The following BMPR1B variants were observed in gnomAD, a reference collection of about 807,000 sequenced individuals.
BMPR1B encodes bone morphogenetic protein receptor type-1B.
BMPR1B carries 12 observed loss-of-function variants against 59.1 expected under a neutral mutation model. The ratio of observed to expected loss-of-function variants is 0.20; its 90% CI spans 0.13 to 0.33. The LOEUF (loss-of-function observed/expected upper bound fraction) is 0.33, where lower values mean the gene tolerates loss of function less well. Ranked by LOEUF, BMPR1B falls within the 10% of genes least tolerant of loss-of-function variation. The pLI, the probability that BMPR1B is intolerant of heterozygous loss-of-function variation, is 1.00. For synonymous variants in BMPR1B, 237 were observed against 207.3 expected, an observed-to-expected ratio of 1.14 and a Z score of -1.23; for missense variants, 550 against 610.9, an observed-to-expected ratio of 0.90 and a Z score of 1.05.
intron 3 of BMPR1B, among the ~76,000 whole-genome samples, chr4:95,040,899 A>G (rs562433941): frequency 1.3e-5 from 2 of 152,242 alleles, no homozygotes; most frequent in Admixed American, 6.5e-5. Context: ...AACTTTATTC[A>G]TCCACTCGTG....
At chr4:95,001,815 G>A (rs940327892) in intron 3 of BMPR1B, among the ~76,000 whole-genome samples, 2 of 151,948 alleles carry the variant, frequency 1.3e-5, no homozygotes, top group Admixed American at 6.6e-5. Context: ...AGTTTGTTTT[G>A]TACCTGTTAT....
At chr4:94,839,166 A>T (rs1213775744) in intron 1 of BMPR1B, among the ~76,000 whole-genome samples, 9 of 130,272 alleles carry the variant, frequency 6.9e-5, no homozygotes, top group African/African-American at 2.7e-4. Context: ...TGCTGAGGAG[A>T]GCTTTACTTC....
At chr4:94,851,885 G>A (rs1725580834) in intron 1 of BMPR1B, among the ~76,000 whole-genome samples, 2 of 152,046 alleles carry the variant, frequency 1.3e-5, no homozygotes, top group Admixed American at 6.6e-5. Flanking sequence ...TAAACTCTAC[G>A]AGTATGAAGA....
rs1725133588 is a variant in BMPR1B, at chr4:95,034,980, G to A, written c.-18+38846G>A. 4.6e-5 allele frequency among the ~76,000 whole-genome samples: 7 copies of A among 152,122 alleles called. No individual in the cohort carries two copies. In the South Asian group the frequency reaches 1.2e-3, roughly 27 times the overall value. On this transcript the variant is annotated intron_variant, in intron 3 of 12. Transcript: ENST00000515059. Reference sequence around the variant, plus strand: ...TTTTTAATCATGATCATTTTTGCAGGAGTAAGGTTGTATCTCATTGTGGTT... The same window carrying A: ...TTTTTAATCATGATCATTTTTGCAGAAGTAAGGTTGTATCTCATTGTGGTT...
At chr4:94,790,295 TA>T (rs1461013939) in intron 1 of BMPR1B, among the ~76,000 whole-genome samples, 1 of 152,182 alleles carries the variant, frequency 6.6e-6, no homozygotes, top group Non-Finnish European at 1.5e-5. Flanking sequence ...AAAGGTATAA[TA>T]AAATATTTGG....
intron 1 of BMPR1B, among the ~76,000 whole-genome samples, chr4:94,858,806 A>G (rs1220068719): frequency 6.6e-6 from 1 of 152,068 alleles, no homozygotes; most frequent in African/African-American, 2.4e-5. Flanking sequence ...CTTCTACTTC[A>G]TTTTTAATAC....
chr4:95,121,194 A>G (rs192229667), intron 6 of BMPR1B, among the ~76,000 whole-genome samples: 2 of 152,350 alleles, frequency 1.3e-5, no homozygotes, highest in East Asian at 1.9e-4. Context: ...CACAAAGAAT[A>G]TGAAATACAT....
intron 2 of BMPR1B, among the ~76,000 whole-genome samples, chr4:94,960,298 C>T (rs2149065163): frequency 6.6e-6 from 1 of 152,250 alleles, no homozygotes; most frequent in South Asian, 2.1e-4. Context: ...CATAATTTCA[C>T]AGCATAAATC....
chr4:94,998,902 T>C (rs1203421263), intron 3 of BMPR1B, among the ~76,000 whole-genome samples: 1 of 152,204 alleles, frequency 6.6e-6, no homozygotes, highest in Non-Finnish European at 1.5e-5. Context: ...CCCCTTTCTC[T>C]CCATTTTATT....
At chr4:94,887,408 A>G (rs1727220612) in intron 2 of BMPR1B, among the ~76,000 whole-genome samples, 1 of 148,952 alleles carries the variant, frequency 6.7e-6, no homozygotes, top group Admixed American at 6.7e-5. Context: ...CCCACCAAAA[A>G]AAAAAAAAAA....
At chr4:94,870,922 GA>G (rs757484378) in intron 1 of BMPR1B, among the ~76,000 whole-genome samples, 12 of 152,050 alleles carry the variant, frequency 7.9e-5, no homozygotes, top group Non-Finnish European at 1.5e-4. Context: ...GTGAGGAGCT[GA>G]ACATCCCAAG....
chr4:94,882,027 C>G (rs1726993633), intron 2 of BMPR1B, among the ~76,000 whole-genome samples: 1 of 152,142 alleles, frequency 6.6e-6, no homozygotes, highest in African/African-American at 2.4e-5. Context: ...TTCTGGATTT[C>G]AAACTCAAGA....
At chr4:95,154,232 T>A (rs546710788) in intron 12 of BMPR1B, among the ~76,000 whole-genome samples, 1 of 152,222 alleles carries the variant, frequency 6.6e-6, no homozygotes, top group Non-Finnish European at 1.5e-5. Flanking sequence ...TATCAAGTGT[T>A]ATAAACAATC....
intron 11 of BMPR1B, 49 bp from the exon 12 acceptor site, chr4:95,152,594 T>C (rs1230529230): frequency 1.4e-6 from 2 of 1,453,184 alleles, no homozygotes; most frequent in East Asian, 2.5e-5. Context: ...TTATTTCTAC[T>C]TCACAGAAAA....
chr4:95,139,268 A>T (rs7673298), intron 10 of BMPR1B, among the ~76,000 whole-genome samples: 2 of 152,122 alleles, frequency 1.3e-5, no homozygotes, highest in African/African-American at 4.8e-5. Context: ...CTGATCCTTC[A>T]TCTGGAAGCT....
rs115752893 is a variant in BMPR1B at position 94,876,611 on chromosome 4, C to T, written c.-113+711C>T. Among the ~76,000 whole-genome samples the T allele has an allele frequency of 6.2e-3, 951 of 152,174 alleles. 11 individuals are homozygous for T. The highest frequency in any genetic ancestry group is 0.021 in the African/African-American group (878 of 41,522). ...AAGCATTGGAAAATTAAGAAAATTG[C>T]CCAGGATTATGTAGATAGTTAAGTG... On this transcript the variant is annotated intron_variant, in intron 2 of 12. Transcript: ENST00000515059.
chr4:94,770,621 C>T (rs992682937), intron 1 of BMPR1B, among the ~76,000 whole-genome samples: 6 of 151,960 alleles, frequency 3.9e-5, no homozygotes, highest in African/African-American at 9.7e-5. Flanking sequence ...ATCTATATTT[C>T]CTCTTTTACA....
intron 2 of BMPR1B, among the ~76,000 whole-genome samples, chr4:94,891,698 A>T (rs1444873241): frequency 6.6e-6 from 1 of 152,102 alleles, no homozygotes; most frequent in Non-Finnish European, 1.5e-5. Flanking sequence ...TAGGGATTGT[A>T]TGACTCCTAG....
intron 2 of BMPR1B, among the ~76,000 whole-genome samples, chr4:94,922,989 A>G (rs911657234): frequency 2.0e-5 from 3 of 152,140 alleles, no homozygotes; most frequent in African/African-American, 7.2e-5. Context: ...CATTGCTTCT[A>G]TGCTGCCATT....
Sources: gnomAD v4.1 joint callset for allele counts (sites outside exome capture counted in the v4.1 genomes callset) on GRCh38, gnomAD v4.1.1 for gene constraint, MANE v1.5 for transcripts, NCBI Gene and HGNC (gene_info 2026-07-23, HGNC 2026-07-21) for gene names.